Variants in LRP1B observed in about 807,000 individuals in gnomAD.
LRP1B encodes the protein low-density lipoprotein receptor-related protein 1B.
Under a neutral mutation model 556.6 loss-of-function variants are expected in LRP1B, and 217 were observed. The ratio of observed to expected loss-of-function variants is 0.39; its 90% CI spans 0.35 to 0.44. The LOEUF is 0.44. Among genes scored for constraint, LRP1B ranks in the 20% least tolerant of loss-of-function variants. LRP1B has a pLI of 1.00. For missense variants in LRP1B, 5,053 were observed against 5,620.8 expected, an observed-to-expected ratio of 0.90 and a Z score of 3.23; for synonymous variants, 2,047 against 1,865.8, an observed-to-expected ratio of 1.10 and a Z score of -2.50.
At chr2:142,056,279 C>G (rs1467242720) in intron 1 of LRP1B, among the ~76,000 whole-genome samples, 1 of 149,516 alleles carries the variant, frequency 6.7e-6, no homozygotes, top group Non-Finnish European at 1.5e-5. Flanking sequence ...ACTCTCTTTC[C>G]TCTGGTATAT....
Position 140,601,538 on chromosome 2 carries a change from T to A in LRP1B, c.6901A>T (p.Thr2301Ser), listed in dbSNP as rs2105198812. The A allele has an allele frequency of 6.2e-7, 1 of 1,613,224 alleles. No homozygotes were observed. Among genetic ancestry groups the A allele is most frequent in the Admixed American group, 1.7e-5 (1 of 59,850 alleles). The change falls in exon 42 of 91, where the codon ACT (threonine) becomes TCT (serine). Residue 2301 changes from threonine to serine, a missense_variant. Physicochemically the swap from Thr to Ser is moderately conservative, Grantham distance 58 (BLOSUM62 1). This residue lies in a region of LRP1B where 3,619 missense variants were observed against 3,931.9 expected (regional missense o/e 0.92). Transcript: ENST00000389484. ...TCCCTGTCAAATGCTCCAGGCCGAG[T>A]CTGGTCCACAGTGTGTCTGGTGATG... ...SSITRHTVDQTRPGAFDREAV... is the reference protein window; with the variant it reads ...SSITRHTVDQSRPGAFDREAV...
chr2:141,854,946 G>A (rs1338314071), intron 1 of LRP1B, among the ~76,000 whole-genome samples: 1 of 152,056 alleles, frequency 6.6e-6, no homozygotes, highest in Non-Finnish European at 1.5e-5. Flanking sequence ...ACCTCTTCAA[G>A]TGAATATGCC....
intron 4 of LRP1B, among the ~76,000 whole-genome samples, chr2:141,248,223 G>T (rs1684138682): frequency 2.0e-5 from 3 of 152,156 alleles, no homozygotes. Flanking sequence ...CATCCTGTCA[G>T]TAGTTAGTTA....
chr2:140,909,208 T>C (rs1202332447), intron 21 of LRP1B, among the ~76,000 whole-genome samples: 1 of 152,190 alleles, frequency 6.6e-6, no homozygotes, highest in Non-Finnish European at 1.5e-5. Context: ...AGGTGTAATA[T>C]ACATTTTTTA....
chr2:141,108,334 CTTTTTT>C (rs60275697), intron 7 of LRP1B, among the ~76,000 whole-genome samples: 5 of 88,514 alleles, frequency 5.6e-5, no homozygotes, highest in Non-Finnish European at 6.3e-5. Flanking sequence ...TAATCTGTTT[CTTTTTT>C]TTTTTTTTTT....
At chr2:141,076,267 G>T (rs1283339208) in intron 7 of LRP1B, among the ~76,000 whole-genome samples, 2 of 152,154 alleles carry the variant, frequency 1.3e-5, no homozygotes, top group African/African-American at 4.8e-5. Flanking sequence ...AATTGCAGAT[G>T]CTTCTAGGCC....
intron 89 of LRP1B, among the ~76,000 whole-genome samples, chr2:140,235,894 A>G (rs994843748): frequency 6.6e-6 from 1 of 151,064 alleles, no homozygotes; most frequent in African/African-American, 2.4e-5. Flanking sequence ...TTTTATTCCT[A>G]AGAAAAATGC....
At chr2:140,367,496 G>A (rs763271765) in intron 71 of LRP1B, among the ~76,000 whole-genome samples, 6 of 151,602 alleles carry the variant, frequency 4.0e-5, no homozygotes, top group Non-Finnish European at 7.4e-5. Flanking sequence ...ATCTGTCATT[G>A]GGATACTCCT....
chr2:141,517,930 G>A (rs1684383365), intron 2 of LRP1B, among the ~76,000 whole-genome samples: 1 of 152,048 alleles, frequency 6.6e-6, no homozygotes. Context: ...CTTTTTGATG[G>A]CTCTCATGTA....
intron 29 of LRP1B, among the ~76,000 whole-genome samples, chr2:140,846,829 C>A (rs545586035): frequency 2.0e-5 from 3 of 152,148 alleles, no homozygotes; most frequent in Non-Finnish European, 2.9e-5. Flanking sequence ...AAACAAAGTA[C>A]AATTACTGGT....
At chr2:140,924,061 T>A (rs1309001608) in intron 20 of LRP1B, among the ~76,000 whole-genome samples, 2 of 152,020 alleles carry the variant, frequency 1.3e-5, no homozygotes, top group Non-Finnish European at 2.9e-5. Context: ...AACAAATTTA[T>A]TGTGTATCTT....
chr2:140,242,536 C>T (rs760277146), intron 87 of LRP1B, among the ~76,000 whole-genome samples: 1 of 151,146 alleles, frequency 6.6e-6, no homozygotes, highest in Non-Finnish European at 1.5e-5. Context: ...TAAAATGACC[C>T]TTCTCTTATA....
At chr2:141,340,332 T>C (rs1425316305) in intron 3 of LRP1B, among the ~76,000 whole-genome samples, 2 of 152,226 alleles carry the variant, frequency 1.3e-5, no homozygotes, top group Non-Finnish European at 2.9e-5. Flanking sequence ...CTTTTTCAAA[T>C]TGTTCAACAC....
At chr2:140,925,981 C>T (rs2105263247) in intron 20 of LRP1B, among the ~76,000 whole-genome samples, 1 of 150,782 alleles carries the variant, frequency 6.6e-6, no homozygotes, top group African/African-American at 2.4e-5. Flanking sequence ...TGAATCCACT[C>T]ATTTGTTTTC....
chr2:140,894,939 C>T lies in LRP1B; in HGVS notation c.3766+7981G>A, dbSNP rs1573853243. Among the ~76,000 whole-genome samples, 3 of 142,134 alleles carry T rather than the reference C, an allele frequency of 2.1e-5. 1 individual carries two copies. Among genetic ancestry groups the T allele is most frequent in the African/African-American group, 7.9e-5 (3 of 37,872 alleles). 93.2% of individuals were successfully genotyped at this position (142,134 alleles called of 152,430 possible). The stretch of plus-strand genomic sequence containing the variant: ...GCCTGGGTGCCAGAATGAGACTCTG[C>T]CTCAAAAAAAAAAAAAAAATTGATA... On this transcript the variant is annotated intron_variant, in intron 23 of 90. Transcript: ENST00000389484.
chr2:141,005,306 C>A, intron 15 of LRP1B, 29 bp downstream of exon 15: 1 of 1,604,856 alleles, frequency 6.2e-7, no homozygotes, highest in Non-Finnish European at 8.5e-7. Context: ...GCCCGATAAA[C>A]AAATAAGGGT....
Position 142,033,648 on chromosome 2 carries a change from A to G in LRP1B, c.82+97000T>C, listed in dbSNP as rs746388076. Among the ~76,000 whole-genome samples the G allele has an allele frequency of 5.7e-4, 87 of 151,790 alleles. 1 individual carries two copies. Among genetic ancestry groups the G allele is most frequent in the Admixed American group, 3.1e-3 (47 of 15,200 alleles). On this transcript the variant is annotated intron_variant, in intron 1 of 90. Coordinates refer to ENST00000389484, the MANE Select transcript of LRP1B (RefSeq NM_018557.3). ...GTCATAGTTGTTTCATTCTCCTTCTATAAATGGGTTTAGGTAGGGGTATGT... is the reference window on the plus strand; with the variant it reads ...GTCATAGTTGTTTCATTCTCCTTCTGTAAATGGGTTTAGGTAGGGGTATGT...
At chr2:141,918,076 A>C (rs2104966834) in intron 1 of LRP1B, among the ~76,000 whole-genome samples, 1 of 152,218 alleles carries the variant, frequency 6.6e-6, no homozygotes, top group South Asian at 2.1e-4. Context: ...AATTACATAC[A>C]GTATGATTCC....
intron 6 of LRP1B, among the ~76,000 whole-genome samples, chr2:141,202,569 C>T (rs756902495): frequency 6.6e-6 from 1 of 151,932 alleles, no homozygotes; most frequent in East Asian, 1.9e-4. Context: ...TCTGCAACCT[C>T]GCCAGCGTAT....
Sources: gnomAD v4.1 joint callset for allele counts (sites outside exome capture counted in the v4.1 genomes callset) on GRCh38, gnomAD v4.1.1 for gene constraint, gnomAD v4.1.1 regional missense constraint, MANE v1.5 for transcripts, NCBI Gene and HGNC (gene_info 2026-07-23, HGNC 2026-07-21) for gene names.